ST6GALNAC3: variants seen among roughly 807,000 people sequenced by gnomAD.
ST6GALNAC3 encodes ST6 N-acetylgalactosaminide alpha-2,6-sialyltransferase 3.
ST6GALNAC3 carries 25 observed loss-of-function variants against 32.7 expected under a neutral mutation model. The observed-to-expected ratio is 0.76, with a 90% CI of 0.56 to 1.07. The LOEUF (loss-of-function observed/expected upper bound fraction) is 1.07. Ranked by LOEUF, ST6GALNAC3 falls within the 50% of genes least tolerant of loss-of-function variation. The pLI is 0.00. For missense variants in ST6GALNAC3, 355 were observed against 382.4 expected, an observed-to-expected ratio of 0.93 and a Z score of 0.60; for synonymous variants, 129 against 133.1, an observed-to-expected ratio of 0.97 and a Z score of 0.21.
intron 1 of ST6GALNAC3, among the ~76,000 whole-genome samples, chr1:76,246,446 G>A (rs1454030750): frequency 6.6e-6 from 1 of 152,128 alleles, no homozygotes; most frequent in Non-Finnish European, 1.5e-5. Flanking sequence ...ATTTGATCCT[G>A]TCATCTTGAT....
intron 3 of ST6GALNAC3, among the ~76,000 whole-genome samples, chr1:76,560,581 A>C (rs1024233920): frequency 1.3e-5 from 2 of 152,244 alleles, no homozygotes; most frequent in Non-Finnish European, 2.9e-5. Flanking sequence ...CATATGAAGT[A>C]GTGCTCAACA....
At chr1:76,472,503 C>A (rs2101630087) in intron 3 of ST6GALNAC3, among the ~76,000 whole-genome samples, 1 of 152,176 alleles carries the variant, frequency 6.6e-6, no homozygotes, top group East Asian at 1.9e-4. Context: ...ACTCAGTAGT[C>A]TGGTGAGTGA....
chr1:76,249,734 A>T (rs1657503672), intron 1 of ST6GALNAC3, among the ~76,000 whole-genome samples: 2 of 152,218 alleles, frequency 1.3e-5, no homozygotes, highest in South Asian at 4.1e-4. Context: ...GAAATGTATG[A>T]GGGAAACAAT....
At chr1:76,493,742 T>C (rs963566207) in intron 3 of ST6GALNAC3, among the ~76,000 whole-genome samples, 7 of 152,182 alleles carry the variant, frequency 4.6e-5, no homozygotes, top group Non-Finnish European at 8.8e-5. Flanking sequence ...TGTATTGATT[T>C]ATCTGTTAGG....
At chr1:76,126,990 T>G (rs1240664941) in intron 1 of ST6GALNAC3, among the ~76,000 whole-genome samples, 2 of 152,232 alleles carry the variant, frequency 1.3e-5, no homozygotes, top group Non-Finnish European at 2.9e-5. Flanking sequence ...AGACTTTTAT[T>G]AGGCACATAA....
At chr1:76,608,516 A>T (rs1328730653) in intron 3 of ST6GALNAC3, among the ~76,000 whole-genome samples, 2 of 151,924 alleles carry the variant, frequency 1.3e-5, no homozygotes, top group Non-Finnish European at 2.9e-5. Flanking sequence ...AGGGCATTTG[A>T]TACTTGATAT....
intron 1 of ST6GALNAC3, among the ~76,000 whole-genome samples, chr1:76,119,004 G>A (rs1648676942): frequency 6.6e-6 from 1 of 152,130 alleles, no homozygotes; most frequent in South Asian, 2.1e-4. Context: ...TGTATTTTTA[G>A]TAGAGACGGG....
chr1:76,295,768 A>C (rs1270173637), intron 1 of ST6GALNAC3, among the ~76,000 whole-genome samples: 1 of 152,112 alleles, frequency 6.6e-6, no homozygotes, highest in African/African-American at 2.4e-5. Flanking sequence ...TGTGAAAAAG[A>C]AAATAATTAT....
At position 76,277,528 on chromosome 1, in the gene ST6GALNAC3, G is replaced by GTATA. The variant is rs370795804; in HGVS notation, c.19-36240_19-36237dup. Among the ~76,000 whole-genome samples the GTATA allele has an allele frequency of 6.8e-3, 572 of 84,304 alleles. 3 individuals are homozygous for GTATA. Among genetic ancestry groups the GTATA allele is most frequent in the South Asian group, 9.2e-3 (21 of 2,280 alleles). 55.3% of individuals were successfully genotyped at this position (84,304 alleles called of 152,430 possible). ...AAGACATATATGTATATGTTTATGT[G>GTATA]TATATATATATATATATATATATAT... On this transcript the variant is annotated intron_variant, in intron 1 of 4. Transcript: ENST00000328299.
chr1:76,432,990 C>T (rs939619577), intron 3 of ST6GALNAC3, among the ~76,000 whole-genome samples: 2 of 152,090 alleles, frequency 1.3e-5, no homozygotes, highest in African/African-American at 4.8e-5. Context: ...TGACAAAAAC[C>T]TTTTGCCACC....
rs567655562 is a variant in ST6GALNAC3 at position 76,524,962 on chromosome 1, G to A, written c.624-102490G>A. Among the ~76,000 whole-genome samples, 470 of 151,972 alleles carry A rather than the reference G, an allele frequency of 3.1e-3. 1 individual carries two copies. The highest frequency in any genetic ancestry group is 8.2e-3 in the Admixed American group (125 of 15,226). On this transcript the variant is annotated intron_variant, in intron 3 of 4. Coordinates refer to ENST00000328299, the MANE Select transcript of ST6GALNAC3 (RefSeq NM_152996.4). ...TTTAGAAAAGAAAAAAATCCCACATGAAAAGGGAAATTGAAGAGAAATATT... is the reference window on the plus strand; with the variant it reads ...TTTAGAAAAGAAAAAAATCCCACATAAAAAGGGAAATTGAAGAGAAATATT...
intron 2 of ST6GALNAC3, among the ~76,000 whole-genome samples, chr1:76,401,911 T>C (rs893063065): frequency 6.6e-6 from 1 of 152,196 alleles, no homozygotes; most frequent in Non-Finnish European, 1.5e-5. Context: ...AGCTCACCTA[T>C]TCCTTCCAGA....
At chr1:76,361,989 A>AAT (rs1553184754) in intron 2 of ST6GALNAC3, among the ~76,000 whole-genome samples, 29,705 of 148,076 alleles carry the variant, frequency 0.2, 3,638 homozygotes, top group East Asian at 0.62. Flanking sequence ...AAAAAAAAAA[A>AAT]AAAAGAGAGA....
At chr1:76,556,514 T>C (rs1217967562) in intron 3 of ST6GALNAC3, among the ~76,000 whole-genome samples, 3 of 152,100 alleles carry the variant, frequency 2.0e-5, no homozygotes, top group Non-Finnish European at 4.4e-5. Flanking sequence ...TTTATGAGGG[T>C]TCTGATTTCT....
intron 3 of ST6GALNAC3, among the ~76,000 whole-genome samples, chr1:76,427,034 T>C (rs1427644346): frequency 1.3e-5 from 2 of 152,062 alleles, no homozygotes; most frequent in African/African-American, 2.4e-5. Context: ...ATGATTACTG[T>C]TTGGCTTTTT....
rs895317458 is a variant in ST6GALNAC3 at position 76,446,312 on chromosome 1, A to G, written c.623+33895A>G. Among the ~76,000 whole-genome samples the G allele has an allele frequency of 2.6e-5, 4 of 152,112 alleles. No homozygotes were observed. The East Asian group carries it at 7.7e-4, about 29-fold the overall frequency. ...TTACTAGAGTGGTATATTTGCTACA[A>G]TTGATGAACCTATGTTGATGCATCC... On this transcript the variant is annotated intron_variant, in intron 3 of 4. Transcript: ENST00000328299.
chr1:76,372,374 G>A (rs934635770), intron 2 of ST6GALNAC3, among the ~76,000 whole-genome samples: 39 of 151,686 alleles, frequency 2.6e-4, no homozygotes, highest in African/African-American at 7.5e-4. Context: ...ACACACACGC[G>A]CACACACACA....
At chr1:76,565,410 T>C (rs967570425) in intron 3 of ST6GALNAC3, among the ~76,000 whole-genome samples, 1 of 152,080 alleles carries the variant, frequency 6.6e-6, no homozygotes. Context: ...ATGTGTCTTC[T>C]CTCTCCCCTA....
chr1:76,192,380 A>G (rs1050882260), intron 1 of ST6GALNAC3, among the ~76,000 whole-genome samples: 6 of 152,178 alleles, frequency 3.9e-5, no homozygotes, highest in African/African-American at 1.4e-4. Context: ...ATTTCATTTC[A>G]TGATTTATCA....
Sources: allele counts gnomAD v4.1 joint callset (sites outside exome capture counted in the v4.1 genomes callset), GRCh38; gene constraint gnomAD v4.1.1; transcripts MANE v1.5; gene names NCBI Gene and HGNC (gene_info 2026-07-23, HGNC 2026-07-21).